Variants in CYTH4 observed in about 807,000 individuals in gnomAD.
The protein encoded by CYTH4 is cytohesin 4.
Under a neutral mutation model 57.5 loss-of-function variants are expected in CYTH4, and 22 were observed. The observed-to-expected ratio is 0.38, with a 90% CI of 0.27 to 0.55. The LOEUF (loss-of-function observed/expected upper bound fraction) is 0.55. Among genes scored for constraint, CYTH4 ranks in the 20% least tolerant of loss-of-function variants. CYTH4 has a pLI of 0.74. For synonymous variants in CYTH4, 186 were observed against 206.5 expected (o/e 0.90, Z 0.85); for missense variants, 420 against 535.6 (o/e 0.78, Z 2.13).
intron 8 of CYTH4, among the ~76,000 whole-genome samples, chr22:37,306,047 C>T (rs56052992): frequency 0.021 from 3,124 of 152,324 alleles, 107 homozygotes; most frequent in African/African-American, 0.071. Context: ...TGACCTTGGA[C>T]ATGAGCCTCA....
chr22:37,284,423 GC>G (rs1222130215), intron 1 of CYTH4, among the ~76,000 whole-genome samples: 2 of 152,328 alleles, frequency 1.3e-5, no homozygotes, highest in East Asian at 3.9e-4. Context: ...ATGGGAGGAA[GC>G]AACTTTTCCC....
At chr22:37,293,239 A>T (rs1848869105) in intron 2 of CYTH4, among the ~76,000 whole-genome samples, 1 of 151,632 alleles carries the variant, frequency 6.6e-6, no homozygotes, top group Admixed American at 6.6e-5. Context: ...GCCCACCCCC[A>T]CTCCCATGCA....
chr22:37,288,883 C>T (rs1179302650), intron 1 of CYTH4, among the ~76,000 whole-genome samples: 2 of 152,210 alleles, frequency 1.3e-5, no homozygotes, highest in African/African-American at 2.4e-5. Flanking sequence ...CTCATGGCCA[C>T]GTGCTCACTT....
At chr22:37,292,547 G>A in intron 1 of CYTH4, 74 bp from the exon 2 acceptor site, 2 of 1,472,806 alleles carry the variant, frequency 1.4e-6, no homozygotes, top group Non-Finnish European at 1.9e-6. Context: ...GGAGGGAAGG[G>A]GGCCCTGCAG....
chr22:37,313,531 G>C lies in CYTH4; in HGVS notation c.*20G>C. 1 of 1,612,810 alleles carries C rather than the reference G, an allele frequency of 6.2e-7. No homozygotes were observed. On this transcript the variant is annotated 3_prime_UTR_variant, in exon 13 of 13. Coordinates refer to ENST00000248901, the MANE Select transcript of CYTH4 (RefSeq NM_013385.5). ...CAGTGAGATTCCTGGAGGTGGCACT[G>C]GGGGCTGGTCACCCTGAGAGTCCCA...
chr22:37,310,952 G>T lies in CYTH4; in HGVS notation c.809-36G>T, dbSNP rs762501462. The T allele has an allele frequency of 1.8e-5, 29 of 1,611,900 alleles. No individual in the cohort carries two copies. In the East Asian group the frequency reaches 6.5e-4, roughly 36 times the overall value. Reference sequence around the variant, plus strand: ...GGAGGAGGTGTCAGTGGCCCAGGAGGAGGACTGACCAGCTTGCTACATTGG... The same window carrying T: ...GGAGGAGGTGTCAGTGGCCCAGGAGTAGGACTGACCAGCTTGCTACATTGG... On this transcript the variant is annotated intron_variant, in intron 9 of 12. Coordinates refer to ENST00000248901, the MANE Select transcript of CYTH4 (RefSeq NM_013385.5).
intron 12 of CYTH4, 22 bp from the exon 13 acceptor site, chr22:37,313,417 T>G: frequency 1.2e-6 from 2 of 1,612,552 alleles, no homozygotes; most frequent in Non-Finnish European, 1.7e-6. Context: ...AGCCCTGAAA[T>G]CTCTCCTCCC....
rs1929652544 is a variant in CYTH4, at chr22:37,311,781, C to T, written c.958-239C>T. On this transcript the variant is annotated intron_variant, in intron 11 of 12. Transcript: ENST00000248901. The surrounding 1 kb of genome is among the most constrained non-coding windows in gnomAD (Gnocchi z 4.4). ...CTGGCTGGATGGCCCCGAGTAAGCT[C>T]CACTCCATTCAGAACCTCAGTGAGC... 1 of 664,942 alleles carries T rather than the reference C, an allele frequency of 1.5e-6. No homozygotes were observed. Among genetic ancestry groups the T allele is most frequent in the East Asian group, 2.7e-5 (1 of 36,676 alleles). The allele number at this position is 664,942 out of a possible 1,614,324, so 41.2% of individuals were successfully genotyped here.
chr22:37,301,433 C>T (rs1244531392), intron 7 of CYTH4, among the ~76,000 whole-genome samples: 2 of 152,064 alleles, frequency 1.3e-5, no homozygotes, highest in Non-Finnish European at 2.9e-5. Context: ...GGCCCAGAAA[C>T]ATGAAACAGC....
rs1465833686 is a variant in CYTH4 at position 37,298,347 on chromosome 22, A to G, written c.353+665A>G. On this transcript the variant is annotated intron_variant, in intron 5 of 12. Transcript: ENST00000248901. This position sits in a 1 kb window ranked among gnomAD's most constrained non-coding sequence, Gnocchi z 4.1. ...ACGCCATTGCACTCCAGCCTGGGCA[A>G]CAGATTGAGAACGAGACTCCGTCTC... The G allele has an allele frequency of 6.4e-6, 1 of 156,236 alleles. No individual in the cohort carries two copies. Among genetic ancestry groups the G allele is most frequent in the Non-Finnish European group, 1.4e-5 (1 of 70,704 alleles). 9.7% of individuals were successfully genotyped at this position (156,236 alleles called of 1,614,324 possible).
chr22:37,290,667 C>A (rs1277321015), intron 1 of CYTH4, among the ~76,000 whole-genome samples: 1 of 152,142 alleles, frequency 6.6e-6, no homozygotes, highest in Non-Finnish European at 1.5e-5. Context: ...CACCACCATG[C>A]CTGGCTAATT....
intron 6 of CYTH4, chr22:37,300,034 C>G (rs781326936): frequency 2.8e-6 from 2 of 716,774 alleles, no homozygotes; most frequent in East Asian, 2.7e-5. Context: ...TTTCCTCATC[C>G]GTAGAATGGG....
At chr22:37,304,395 G>A in intron 8 of CYTH4, 1 of 401,604 alleles carries the variant, frequency 2.5e-6, no homozygotes. Context: ...CAGGGAGCCA[G>A]GGGGTATTCA....
rs1211794979 is a variant in CYTH4, at chr22:37,297,467, C to T, written c.235-97C>T. 10 of 1,065,546 alleles carry T rather than the reference C, an allele frequency of 9.4e-6. No homozygotes were observed. The East Asian group carries it at 2.5e-4, about 26-fold the overall frequency. 66.0% of individuals were successfully genotyped at this position (1,065,546 alleles called of 1,614,324 possible). On this transcript the variant is annotated intron_variant, in intron 4 of 12. Coordinates refer to ENST00000248901, the MANE Select transcript of CYTH4 (RefSeq NM_013385.5). ...ACTGTGCCAACACCAGAATGCCAGG[C>T]TCCAGGATTCTGGCCATGGAAGCTC...
chr22:37,283,882 G>C (rs1349822665), intron 1 of CYTH4, among the ~76,000 whole-genome samples: 2 of 120,048 alleles, frequency 1.7e-5, no homozygotes, highest in Non-Finnish European at 3.7e-5. Context: ...GGTGGGATGA[G>C]GGGGGGAGGG....
intron 8 of CYTH4, among the ~76,000 whole-genome samples, chr22:37,307,568 G>A (rs192294686): frequency 9.9e-5 from 15 of 152,174 alleles, no homozygotes; most frequent in Admixed American, 9.8e-4. Flanking sequence ...CTGGACCCCT[G>A]AGCTCTGAGG....
chr22:37,312,901 GGAAGGCT>G (rs1232652023), intron 12 of CYTH4, among the ~76,000 whole-genome samples: 3 of 152,286 alleles, frequency 2.0e-5, no homozygotes, highest in Non-Finnish European at 4.4e-5. Flanking sequence ...GGTGGCCAGA[GGAAGGCT>G]GAAGTGGTTG....
chr22:37,311,349 A>G lies in CYTH4; in HGVS notation c.886-107A>G, dbSNP rs1929635850. 1 of 1,010,206 alleles carries G rather than the reference A, an allele frequency of 9.9e-7. No individual in the cohort carries two copies. The highest frequency in any genetic ancestry group is 1.9e-5 in the Admixed American group (1 of 51,562). 62.6% of individuals were successfully genotyped at this position (1,010,206 alleles called of 1,614,324 possible). ...CCCTATGACTGGACAGTCTCGGAAG[A>G]TGAGCACGCTCCTCTTTGAGTTTGG... On this transcript the variant is annotated intron_variant, in intron 10 of 12. Coordinates refer to ENST00000248901, the MANE Select transcript of CYTH4 (RefSeq NM_013385.5). This position sits in a 1 kb window ranked among gnomAD's most constrained non-coding sequence, Gnocchi z 4.4.
At chr22:37,293,930 T>C (rs940216943) in intron 2 of CYTH4, among the ~76,000 whole-genome samples, 3 of 151,650 alleles carry the variant, frequency 2.0e-5, no homozygotes, top group African/African-American at 7.3e-5. Flanking sequence ...TCCAGGGGAA[T>C]TGCAAAGTCC....
Sources: allele counts gnomAD v4.1 joint callset (sites outside exome capture counted in the v4.1 genomes callset), GRCh38; gene constraint gnomAD v4.1.1; non-coding constraint Gnocchi (gnomAD v3.1); transcripts MANE v1.5; gene names NCBI Gene and HGNC (gene_info 2026-07-23, HGNC 2026-07-21).